The following C1orf146 variants were observed in gnomAD, a reference collection of about 807,000 sequenced individuals.
C1orf146 encodes chromosome 1 open reading frame 146, also known as protein SPO16 homolog.
C1orf146 carries 22 observed loss-of-function variants against 23.0 expected under a neutral mutation model. The ratio of observed to expected loss-of-function variants is 0.96; its 90% confidence interval spans 0.68 to 1.36. C1orf146 has a LOEUF of 1.36. C1orf146 is among the 40% of genes most tolerant of loss of function. The pLI is 0.00. For synonymous variants in C1orf146, 59 were observed against 65.3 expected (o/e 0.90, Z 0.47); for missense variants, 199 against 206.8 (o/e 0.96, Z 0.23).
chr1:92,218,606 G>A (rs1316946866), intron 1 of C1orf146, among the ~76,000 whole-genome samples: 3 of 152,126 alleles, frequency 2.0e-5, no homozygotes, highest in Admixed American at 6.6e-5. Flanking sequence ...GTGCAGGTGT[G>A]TTACATAGGT....
Position 92,245,667 on chromosome 1 carries a change from C to T in C1orf146, c.536C>T (p.Pro179Leu). ...KIKLNSDSVN[P>L]N ...AAACTGAATAGTGATTCAGTTAACC[C>T]AAATTAGAGTACCAACTTAATGTTT... is the stretch of plus-strand genomic sequence containing the variant. The change falls in exon 6 of 6, where the codon CCA (proline) becomes CTA (leucine). Residue 179 changes from proline to leucine, a missense_variant. By Grantham distance (98) the Pro-to-Leu change is moderately conservative. Transcript: ENST00000370375. The T allele has an allele frequency of 6.4e-7, 1 of 1,563,920 alleles. No individual in the cohort carries two copies. Among genetic ancestry groups the T allele is most frequent in the Non-Finnish European group, 8.6e-7 (1 of 1,160,598 alleles).
At chr1:92,219,285 G>C (rs1176863189) in intron 1 of C1orf146, among the ~76,000 whole-genome samples, 1 of 152,112 alleles carries the variant, frequency 6.6e-6, no homozygotes, top group Non-Finnish European at 1.5e-5. Context: ...GCCAGGTGCT[G>C]AGTAAGGTAA....
intron 1 of C1orf146, 120 bp downstream of exon 1, chr1:92,218,168 C>T (rs1259075086): frequency 1.3e-5 from 2 of 152,226 alleles, no homozygotes; most frequent in Non-Finnish European, 2.9e-5. Context: ...TACCTCAGGG[C>T]TTTGGCGGGT....
intron 1 of C1orf146, among the ~76,000 whole-genome samples, chr1:92,228,554 A>G (rs1570788761): frequency 6.6e-6 from 1 of 152,152 alleles, no homozygotes; most frequent in East Asian, 1.9e-4. Context: ...GTGACTCTCC[A>G]GATTGTCTGA....
intron 3 of C1orf146, among the ~76,000 whole-genome samples, chr1:92,242,994 G>A (rs563513946): frequency 6.6e-6 from 1 of 152,158 alleles, no homozygotes; most frequent in East Asian, 1.9e-4. Context: ...GGCTGAAAGT[G>A]GTATCGCCTC....
chr1:92,232,284 A>G (rs920558918), intron 2 of C1orf146, among the ~76,000 whole-genome samples: 3 of 93,484 alleles, frequency 3.2e-5, no homozygotes, highest in East Asian at 7.4e-4. Context: ...AACAGTCCCC[A>G]GAGTGTGATG....
intron 3 of C1orf146, among the ~76,000 whole-genome samples, chr1:92,243,245 T>A (rs771688780): frequency 6.6e-6 from 1 of 152,070 alleles, no homozygotes; most frequent in Non-Finnish European, 1.5e-5. Context: ...CCACATCGTT[T>A]GAAGAGCTAT....
chr1:92,225,087 A>G (rs72958729), intron 1 of C1orf146, among the ~76,000 whole-genome samples: 7,063 of 147,326 alleles, frequency 0.048, 577 homozygotes, highest in African/African-American at 0.17. Context: ...ATTTGACATC[A>G]TTCTTCTTTT....
chr1:92,237,063 T>G (rs1394918823), intron 2 of C1orf146, among the ~76,000 whole-genome samples: 1 of 152,184 alleles, frequency 6.6e-6, no homozygotes, highest in Non-Finnish European at 1.5e-5. Context: ...AATTTCCTCC[T>G]GTAGCTCGTA....
chr1:92,241,987 A>G lies in C1orf146; in HGVS notation c.67-225A>G, dbSNP rs146312636. Among the ~76,000 whole-genome samples the G allele has an allele frequency of 3.4e-3, 522 of 152,344 alleles. 6 individuals are homozygous for G. Among genetic ancestry groups the G allele is most frequent in the African/African-American group, 0.011 (442 of 41,584 alleles). On this transcript the variant is annotated intron_variant, in intron 2 of 5. Coordinates refer to ENST00000370375, the MANE Select transcript of C1orf146 (RefSeq NM_001012425.2). ...TTCTGTTCCTAAGTAACATAACTGT[A>G]GTACGTAACTCACTCCCAAACTTGA...
At chr1:92,218,935 C>T (rs915361159) in intron 1 of C1orf146, among the ~76,000 whole-genome samples, 3 of 152,178 alleles carry the variant, frequency 2.0e-5, no homozygotes, top group Admixed American at 1.3e-4. Flanking sequence ...TCACCTTTAA[C>T]AGGGACTTGG....
intron 1 of C1orf146, among the ~76,000 whole-genome samples, chr1:92,226,800 C>T (rs554402627): frequency 2.0e-5 from 3 of 152,156 alleles, no homozygotes; most frequent in South Asian, 4.1e-4. Context: ...TGTCACTATT[C>T]GTTTTCTATT....
intron 1 of C1orf146, among the ~76,000 whole-genome samples, chr1:92,230,406 A>T (rs1652090340): frequency 6.6e-6 from 1 of 151,770 alleles, no homozygotes; most frequent in Admixed American, 6.6e-5. Flanking sequence ...AGGTCAGGAG[A>T]TTGAGACCAT....
intron 1 of C1orf146, 55 bp downstream of exon 1, chr1:92,218,103 T>A (rs1243589774): frequency 2.6e-5 from 4 of 152,312 alleles, no homozygotes; most frequent in Non-Finnish European, 4.4e-5. Flanking sequence ...TTCGCGTTTT[T>A]CTTTCTTCGT....
chr1:92,228,955 A>G, intron 1 of C1orf146: 2 of 430,326 alleles, frequency 4.6e-6, no homozygotes, highest in Non-Finnish European at 9.0e-6. Context: ...GCCAGGGACA[A>G]ATTTATACTT....
intron 2 of C1orf146, among the ~76,000 whole-genome samples, chr1:92,237,690 A>T (rs1179827071): frequency 6.6e-6 from 1 of 152,234 alleles, no homozygotes; most frequent in East Asian, 1.9e-4. Flanking sequence ...GGAGCTGTAG[A>T]CAGGAGCTGT....
At position 92,231,431 on chromosome 1, in the gene C1orf146, G is replaced by A. The variant is rs1652117133; in HGVS notation, c.11G>A (p.Ser4Asn). 3.7e-6 allele frequency: 6 copies of A among 1,610,100 alleles called. No individual in the cohort carries two copies. Among genetic ancestry groups the A allele is most frequent in the Non-Finnish European group, 5.1e-6 (6 of 1,178,398 alleles). The change falls in exon 2 of 6, where the codon AGT becomes AAT. Residue 4 changes from serine to asparagine, a missense_variant. By Grantham distance (46) the Ser-to-Asn change is conservative (BLOSUM62 1). Transcript: ENST00000370375. MAE[S>N]GKEKIKWTTT... ...TTGATCCACAGACAGATGGCTGAAA[G>A]TGGAAAAGAAAAAATAAAATGGACA...
Position 92,244,267 on chromosome 1 carries a change from G to C in C1orf146, c.211G>C (p.Glu71Gln), listed in dbSNP as rs61732740. The C allele has an allele frequency of 2.3e-3, 3,773 of 1,607,850 alleles. 72 individuals carry two copies. In the African/African-American group the frequency reaches 0.043, roughly 18 times the overall value. Residue 71 changes from glutamate (E) to glutamine (Q), a missense_variant, in exon 4 of 6, where the codon GAA becomes CAA. By Grantham distance (29) the Glu-to-Gln change is conservative. Transcript: ENST00000370375. Reference sequence around the variant, plus strand: ...TAAGGAATGTCTTCTGTCAACTGAAGAAATATTTCTAGCCAAAATTGAGAA... The same window carrying C: ...TAAGGAATGTCTTCTGTCAACTGAACAAATATTTCTAGCCAAAATTGAGAA... ...DTKECLLSTEEIFLAKIEKFI... is the reference protein window; with the variant it reads ...DTKECLLSTEQIFLAKIEKFI...
At chr1:92,245,078 G>A (rs971874231) in intron 5 of C1orf146, among the ~76,000 whole-genome samples, 1 of 152,170 alleles carries the variant, frequency 6.6e-6, no homozygotes, top group Non-Finnish European at 1.5e-5. Flanking sequence ...GGCCAAAAGA[G>A]CATTTGGCTG....
Sources: gnomAD v4.1 joint callset for allele counts (sites outside exome capture counted in the v4.1 genomes callset) on GRCh38, gnomAD v4.1.1 for gene constraint, MANE v1.5 for transcripts, NCBI Gene and HGNC (gene_info 2026-07-23, HGNC 2026-07-21) for gene names.